The following CSMD1 variants were observed in gnomAD, a reference collection of about 807,000 sequenced individuals.
CSMD1 encodes the protein CUB and Sushi multiple domains 1.
CSMD1 carries 213 observed loss-of-function variants against 417.5 expected under a neutral mutation model. The observed-to-expected ratio is 0.51, with a 90% CI of 0.46 to 0.57. The LOEUF (loss-of-function observed/expected upper bound fraction) is 0.57, where lower values mean the gene tolerates loss of function less well. Ranked by LOEUF, CSMD1 falls within the 20% of genes least tolerant of loss-of-function variation. The probability of loss-of-function intolerance (pLI) is 0.00; values close to 1 mark genes in which losing one functional copy is unlikely to be tolerated. For synonymous variants in CSMD1, 2,862 were observed against 1,736.8 expected, an observed-to-expected ratio of 1.65 and a Z score of -16.11; for missense variants, 6,923 against 4,529.7, an observed-to-expected ratio of 1.53 and a Z score of -15.17.
intron 3 of CSMD1, among the ~76,000 whole-genome samples, chr8:4,153,000 G>A (rs1371737652): frequency 2.0e-5 from 3 of 152,100 alleles, no homozygotes; most frequent in Non-Finnish European, 2.9e-5. Flanking sequence ...AACAAATCTC[G>A]TAGCAAGTGC....
intron 26 of CSMD1, among the ~76,000 whole-genome samples, chr8:3,245,979 G>A (rs937744649): frequency 2.0e-5 from 3 of 152,122 alleles, no homozygotes; most frequent in Non-Finnish European, 4.4e-5. Context: ...TTGTGGAGAG[G>A]TTTTTCTGGG....
At chr8:4,741,424 A>T in intron 1 of CSMD1, among the ~76,000 whole-genome samples, 1 of 152,204 alleles carries the variant, frequency 6.6e-6, no homozygotes, top group East Asian at 1.9e-4. Flanking sequence ...ACCAGGAAAT[A>T]ACTGTTTTTA....
intron 3 of CSMD1, among the ~76,000 whole-genome samples, chr8:4,035,479 A>G (rs542999135): frequency 6.6e-5 from 10 of 152,192 alleles, no homozygotes; most frequent in Admixed American, 5.9e-4. Context: ...ATCCTAGGAG[A>G]TGAAAGCTCC....
chr8:4,319,750 A>G (rs1799159804), intron 3 of CSMD1, among the ~76,000 whole-genome samples: 1 of 152,106 alleles, frequency 6.6e-6, no homozygotes, highest in Non-Finnish European at 1.5e-5. Context: ...CGGGGGGCCA[A>G]AGGCTGCTAG....
intron 3 of CSMD1, among the ~76,000 whole-genome samples, chr8:4,252,293 G>A (rs1563338695): frequency 1.3e-5 from 2 of 152,164 alleles, no homozygotes; most frequent in Non-Finnish European, 1.5e-5. Flanking sequence ...CTTCTGTCAT[G>A]CACACTCCAA....
At chr8:3,091,475 T>A (rs772500256) in intron 48 of CSMD1, 41 bp downstream of exon 48, 2 of 1,491,866 alleles carry the variant, frequency 1.3e-6, no homozygotes, top group Admixed American at 4.5e-5. Context: ...ATCACCTGTT[T>A]TAAAATACTT....
chr8:4,571,571 C>G (rs1388913368), intron 2 of CSMD1, among the ~76,000 whole-genome samples: 3 of 152,044 alleles, frequency 2.0e-5, no homozygotes, highest in Admixed American at 2.0e-4. Flanking sequence ...ATTATGTGGT[C>G]CATTTTAGAA....
chr8:4,738,101 A>C (rs1810360848), intron 1 of CSMD1, among the ~76,000 whole-genome samples: 1 of 152,254 alleles, frequency 6.6e-6, no homozygotes, highest in African/African-American at 2.4e-5. Flanking sequence ...ATGGGACAAC[A>C]GTAAAGACAC....
chr8:3,635,726 G>A (rs1415608690), intron 7 of CSMD1, among the ~76,000 whole-genome samples: 2 of 141,058 alleles, frequency 1.4e-5, no homozygotes, highest in African/African-American at 2.7e-5. Context: ...CTCGTGATCT[G>A]CCCGCCTCGG....
intron 1 of CSMD1, among the ~76,000 whole-genome samples, chr8:4,917,440 C>T (rs1286389532): frequency 1.3e-5 from 2 of 152,222 alleles, no homozygotes; most frequent in East Asian, 3.9e-4. Context: ...CGAGACCACC[C>T]TGGCTAACAC....
intron 2 of CSMD1, among the ~76,000 whole-genome samples, chr8:4,632,179 A>C (rs949737972): frequency 6.6e-6 from 1 of 152,132 alleles, no homozygotes; most frequent in Admixed American, 6.6e-5. Flanking sequence ...AGTGGCAGGG[A>C]TGAGTTGCCC....
At chr8:3,492,729 G>C (rs143923026) in intron 11 of CSMD1, among the ~76,000 whole-genome samples, 2 of 152,292 alleles carry the variant, frequency 1.3e-5, no homozygotes, top group East Asian at 3.9e-4. Context: ...TGAAAACTGA[G>C]AAGTGGGATC....
At chr8:4,912,430 G>C (rs574565368) in intron 1 of CSMD1, among the ~76,000 whole-genome samples, 7 of 151,974 alleles carry the variant, frequency 4.6e-5, no homozygotes, top group African/African-American at 7.2e-5. Flanking sequence ...ATTGCAGAAA[G>C]GCTGGACAAG....
rs1809002222 is a variant in CSMD1, at chr8:3,359,319, T to C, written c.3137A>G (p.Asp1046Gly). ...GCTGAAGGCAGGGACTCCAGGATCATCACATGGCTCCAGGTCATATTCTGA... is the reference window on the plus strand; with the variant it reads ...GCTGAAGGCAGGGACTCCAGGATCACCACATGGCTCCAGGTCATATTCTGA... ...TFSEYDLEPC[D>G]DPGVPAFSRR... is the part of the protein sequence containing the mutation. The change falls in exon 21 of 70, where the codon GAT (aspartate) becomes GGT (glycine). Residue 1046 changes from aspartate (D) to glycine (G), a missense_variant. Asp to Gly is a moderately conservative substitution (Grantham distance 94). Transcript: ENST00000635120. 4 of 1,612,998 alleles carry C rather than the reference T, an allele frequency of 2.5e-6. No homozygotes were observed. The highest frequency in any genetic ancestry group is 3.4e-6 in the Non-Finnish European group (4 of 1,179,752).
At chr8:3,806,218 C>T (rs1257924304) in intron 5 of CSMD1, among the ~76,000 whole-genome samples, 2 of 152,122 alleles carry the variant, frequency 1.3e-5, no homozygotes, top group East Asian at 3.9e-4. Context: ...GATTTTTCTT[C>T]CTCTCAGATT....
chr8:3,210,573 C>T (rs1278059551), intron 30 of CSMD1, among the ~76,000 whole-genome samples: 1 of 147,452 alleles, frequency 6.8e-6, no homozygotes, highest in Non-Finnish European at 1.5e-5. Context: ...AATTCCTATA[C>T]ATATGTGTAT....
At chr8:4,667,439 AG>A (rs1220851945) in intron 1 of CSMD1, among the ~76,000 whole-genome samples, 1 of 150,858 alleles carries the variant, frequency 6.6e-6, no homozygotes, top group Non-Finnish European at 1.5e-5. Context: ...AGAACAATTT[AG>A]AAAAAAAAAA....
chr8:4,010,568 G>C (rs139966759), intron 4 of CSMD1, among the ~76,000 whole-genome samples: 2 of 151,844 alleles, frequency 1.3e-5, no homozygotes, highest in African/African-American at 2.4e-5. Flanking sequence ...TAAGGCATCA[G>C]TTTCTACAGC....
chr8:4,072,698 T>C (rs75751205), intron 3 of CSMD1, among the ~76,000 whole-genome samples: 2,004 of 152,332 alleles, frequency 0.013, 55 homozygotes, highest in African/African-American at 0.046. Context: ...ATTTCAACTC[T>C]GTGAATTGGG....
Sources: allele counts gnomAD v4.1 joint callset (sites outside exome capture counted in the v4.1 genomes callset), GRCh38; gene constraint gnomAD v4.1.1; transcripts MANE v1.5; gene names NCBI Gene and HGNC (gene_info 2026-07-23, HGNC 2026-07-21).